Variants in PPM1G observed in about 807,000 individuals in gnomAD.
PPM1G encodes protein phosphatase, Mg2+/Mn2+ dependent 1G, also known as protein phosphatase 1G.
Under a neutral mutation model 59.4 loss-of-function variants are expected in PPM1G, and 12 were observed. The observed-to-expected ratio is 0.20, with a 90% CI of 0.13 to 0.33. The LOEUF (loss-of-function observed/expected upper bound fraction) is 0.33. Ranked by LOEUF, PPM1G falls within the 10% of genes least tolerant of loss-of-function variation. The probability of loss-of-function intolerance (pLI) is 1.00; values close to 1 mark genes in which losing one functional copy is unlikely to be tolerated. For missense variants in PPM1G, 392 were observed against 681.3 expected (o/e 0.58, Z 4.73); for synonymous variants, 245 against 251.9 (o/e 0.97, Z 0.26).
chr2:27,386,855 A>C, intron 2 of PPM1G: 1 of 366,674 alleles, frequency 2.7e-6, no homozygotes, highest in South Asian at 5.5e-5. Flanking sequence ...TTTAAAAAAT[A>C]AAAATAAAAA....
chr2:27,387,628 A>C (rs1410188383), intron 1 of PPM1G, among the ~76,000 whole-genome samples: 2 of 151,770 alleles, frequency 1.3e-5, no homozygotes, highest in Non-Finnish European at 2.9e-5. Flanking sequence ...CGCCTGCTGA[A>C]TAGCTGAGAT....
At position 27,385,717 on chromosome 2, in the gene PPM1G, T is replaced by A. The variant is rs1683744631; in HGVS notation, c.409+30A>T. On this transcript the variant is annotated intron_variant, in intron 4 of 9. Transcript: ENST00000344034. This position sits in a 1 kb window ranked among gnomAD's most constrained non-coding sequence, Gnocchi z 4.1. ...AAAGAATATTTCTTAAAATGCTGAT[T>A]TCCCCTCAAACAAGGGATGCCACAC... The A allele has an allele frequency of 6.3e-7, 1 of 1,591,784 alleles. No individual in the cohort carries two copies. The highest frequency in any genetic ancestry group is 8.5e-7 in the Non-Finnish European group (1 of 1,172,670).
At chr2:27,392,178 A>C (rs1466199074) in intron 1 of PPM1G, among the ~76,000 whole-genome samples, 2 of 151,594 alleles carry the variant, frequency 1.3e-5, no homozygotes, top group Non-Finnish European at 1.5e-5. Context: ...TTAATACCAG[A>C]GTCATGCTTA....
rs199751031 is a variant in PPM1G, at chr2:27,393,359, G to T, written c.121-6201C>A. ...TCTGGCGCACCTGCGAGGTAGACGCGGTCGTCATGCCGGCGACTAAGGAGA... is the reference window on the plus strand; with the variant it reads ...TCTGGCGCACCTGCGAGGTAGACGCTGTCGTCATGCCGGCGACTAAGGAGA... On this transcript the variant is annotated intron_variant, in intron 1 of 9. Coordinates refer to ENST00000344034, the MANE Select transcript of PPM1G (RefSeq NM_177983.3). The T allele has an allele frequency of 3.8e-6, 6 of 1,588,144 alleles. No homozygotes were observed. The East Asian group carries it at 1.3e-4, about 35-fold the overall frequency.
In PPM1G at chr2:27,385,779, T is replaced by C. The variant is rs1683748069; in HGVS notation, c.377A>G (p.Asp126Gly). ...QIAGRPTEDE[D>G]EKEKVADEDD... is the part of the protein sequence containing the mutation. Reference sequence around the variant, plus strand: ...TTCATCAGCTACTTTTTCTTTTTCATCTTCATCCTCAGTGGGTCGCCCTGC... The same window carrying C: ...TTCATCAGCTACTTTTTCTTTTTCACCTTCATCCTCAGTGGGTCGCCCTGC... The change falls in exon 4 of 10, where the codon GAT becomes GGT. Residue 126 changes from aspartate (D) to glycine (G), a missense_variant. Around this residue, in one of 6 missense-constraint regions of PPM1G, gnomAD observed 188 missense variants for 248.8 expected, o/e 0.76. Coordinates refer to ENST00000344034, the MANE Select transcript of PPM1G (RefSeq NM_177983.3). This position sits in a 1 kb window ranked among gnomAD's most constrained non-coding sequence, Gnocchi z 4.1. 3.1e-6 allele frequency: 5 copies of C among 1,613,800 alleles called. No individual in the cohort carries two copies. Among genetic ancestry groups the C allele is most frequent in the South Asian group, 1.1e-5 (1 of 90,954 alleles).
chr2:27,383,911 T>C lies in PPM1G; in HGVS notation c.966+41A>G. On this transcript the variant is annotated intron_variant, in intron 6 of 9. Coordinates refer to ENST00000344034, the MANE Select transcript of PPM1G (RefSeq NM_177983.3). This position sits in a 1 kb window ranked among gnomAD's most constrained non-coding sequence, Gnocchi z 5.0. ...CAAAATTAGGGGATTCACACCTGCC[T>C]TGTGGCTTTTCAAGACTCATTGCTC... 6.4e-7 allele frequency: 1 copy of C among 1,551,168 alleles called. No homozygotes were observed. Among genetic ancestry groups the C allele is most frequent in the Non-Finnish European group, 8.7e-7 (1 of 1,146,566 alleles).
intron 1 of PPM1G, among the ~76,000 whole-genome samples, chr2:27,400,506 C>G (rs1284315974): frequency 6.6e-6 from 1 of 152,136 alleles, no homozygotes; most frequent in Non-Finnish European, 1.5e-5. Context: ...GTAATTCCAG[C>G]ACTTTGGGAG....
chr2:27,392,294 T>TTTTTTTG (rs1558318791), intron 1 of PPM1G, among the ~76,000 whole-genome samples: 1 of 140,682 alleles, frequency 7.1e-6, no homozygotes, highest in African/African-American at 2.8e-5. Context: ...TTGTTTTTTT[T>TTTTTTTG]TTTTTTTTTT....
Position 27,385,287 on chromosome 2 carries a change from C to A in PPM1G, c.410-199G>T. On this transcript the variant is annotated intron_variant, in intron 4 of 9. Transcript: ENST00000344034. This position sits in a 1 kb window ranked among gnomAD's most constrained non-coding sequence, Gnocchi z 4.1. ...TTCTTTTGGTTTTTGTGTTTCATCC[C>A]CTTCTTAATCAAAACAACACTAGTT... 1 of 568,750 alleles carries A rather than the reference C, an allele frequency of 1.8e-6. No individual in the cohort carries two copies. Among genetic ancestry groups the A allele is most frequent in the Non-Finnish European group, 3.0e-6 (1 of 336,114 alleles). The allele number at this position is 568,750 out of a possible 1,614,324, so 35.2% of individuals were successfully genotyped here.
At chr2:27,395,483 C>G (rs535053016) in intron 1 of PPM1G, among the ~76,000 whole-genome samples, 4 of 152,058 alleles carry the variant, frequency 2.6e-5, no homozygotes, top group African/African-American at 9.6e-5. Flanking sequence ...GAGCTGAGAT[C>G]ATGCCGCTGC....
At chr2:27,407,553 C>T (rs1207801238) in intron 1 of PPM1G, among the ~76,000 whole-genome samples, 1 of 152,098 alleles carries the variant, frequency 6.6e-6, no homozygotes, top group African/African-American at 2.4e-5. Flanking sequence ...AGACGTGAGC[C>T]ACTGCGCCCA....
At position 27,403,907 on chromosome 2, in the gene PPM1G, A is replaced by G. The variant is rs975199040; in HGVS notation, c.120+5396T>C. Among the ~76,000 whole-genome samples, 5 of 152,118 alleles carry G rather than the reference A, an allele frequency of 3.3e-5. No homozygotes were observed. In the East Asian group the frequency reaches 9.6e-4, roughly 29 times the overall value. Reference sequence around the variant, plus strand: ...AAAAGAGAGAGAGAGAGAAATTCTGACCTGGTTTAGTAAGTAAAAAGCGCT... The same window carrying G: ...AAAAGAGAGAGAGAGAGAAATTCTGGCCTGGTTTAGTAAGTAAAAAGCGCT... On this transcript the variant is annotated intron_variant, in intron 1 of 9. Coordinates refer to ENST00000344034, the MANE Select transcript of PPM1G (RefSeq NM_177983.3).
rs140390472 is a variant in PPM1G, at chr2:27,402,028, C to T, written c.120+7275G>A. Among the ~76,000 whole-genome samples the T allele has an allele frequency of 5.0e-3, 760 of 151,760 alleles. 4 individuals carry two copies. The highest frequency in any genetic ancestry group is 0.017 in the African/African-American group (724 of 41,406). Reference sequence around the variant, plus strand: ...TCAATAAAGCTGATTAAAAAGGAACCTGTAAGAAATAAATAAAATAAAAAG... The same window carrying T: ...TCAATAAAGCTGATTAAAAAGGAACTTGTAAGAAATAAATAAAATAAAAAG... On this transcript the variant is annotated intron_variant, in intron 1 of 9. Transcript: ENST00000344034.
intron 1 of PPM1G, among the ~76,000 whole-genome samples, chr2:27,387,364 A>T (rs1445612187): frequency 6.6e-6 from 1 of 152,206 alleles, no homozygotes; most frequent in Non-Finnish European, 1.5e-5. Flanking sequence ...AAAGGAAGAA[A>T]GAATCAGGTT....
intron 1 of PPM1G, among the ~76,000 whole-genome samples, chr2:27,408,856 A>G (rs1663441817): frequency 6.6e-6 from 1 of 152,182 alleles, no homozygotes; most frequent in Admixed American, 6.5e-5. Flanking sequence ...CCTAGCCAAA[A>G]GAGGCTTCCC....
At chr2:27,403,539 G>A (rs1418157536) in intron 1 of PPM1G, among the ~76,000 whole-genome samples, 1 of 152,154 alleles carries the variant, frequency 6.6e-6, no homozygotes, top group Non-Finnish European at 1.5e-5. Flanking sequence ...GGTACTGCAT[G>A]CTAATCAAAT....
chr2:27,403,613 G>A (rs540446710), intron 1 of PPM1G, among the ~76,000 whole-genome samples: 3 of 150,548 alleles, frequency 2.0e-5, no homozygotes, highest in African/African-American at 4.9e-5. Flanking sequence ...CTGGCCAGGC[G>A]CAGTAGCTCA....
In PPM1G at chr2:27,383,047, G is replaced by A. The variant is rs982411869; in HGVS notation, c.1201+319C>T. ...GATGGGGTTTCACCATGTTGGCCAG[G>A]CTGGCCTCGAACTCCTGACCTCAGG... On this transcript the variant is annotated intron_variant, in intron 7 of 9. Coordinates refer to ENST00000344034, the MANE Select transcript of PPM1G (RefSeq NM_177983.3). The surrounding 1 kb of genome is among the most constrained non-coding windows in gnomAD (Gnocchi z 5.0). 1.3e-5 allele frequency among the ~76,000 whole-genome samples: 2 copies of A among 151,244 alleles called. No homozygotes were observed. Among genetic ancestry groups the A allele is most frequent in the African/African-American group, 2.4e-5 (1 of 41,144 alleles).
chr2:27,404,134 A>G (rs1663273125), intron 1 of PPM1G, among the ~76,000 whole-genome samples: 1 of 152,174 alleles, frequency 6.6e-6, no homozygotes, highest in Non-Finnish European at 1.5e-5. Context: ...AGTCAATTCT[A>G]GATGACCCCT....
Sources: gnomAD v4.1 joint callset for allele counts (sites outside exome capture counted in the v4.1 genomes callset) on GRCh38, gnomAD v4.1.1 for gene constraint, gnomAD v4.1.1 regional missense constraint, Gnocchi (gnomAD v3.1) non-coding constraint, MANE v1.5 for transcripts, NCBI Gene and HGNC (gene_info 2026-07-23, HGNC 2026-07-21) for gene names.